Variants in QPCTL observed in about 807,000 individuals in gnomAD.
The protein encoded by QPCTL is glutaminyl-peptide cyclotransferase like.
QPCTL carries 31 observed loss-of-function variants against 34.6 expected under a neutral mutation model. The observed-to-expected ratio is 0.90, with a 90% CI of 0.67 to 1.21. QPCTL has a LOEUF of 1.21. Ranked by LOEUF, QPCTL falls within the 50% of genes most tolerant of loss-of-function variation. The pLI is 0.00. For synonymous variants in QPCTL, 223 were observed against 226.9 expected (o/e 0.98, Z 0.15); for missense variants, 474 against 507.8 (o/e 0.93, Z 0.64).
At chr19:45,695,105 G>A (rs1008186791) in intron 2 of QPCTL, among the ~76,000 whole-genome samples, 1 of 151,944 alleles carries the variant, frequency 6.6e-6, no homozygotes, top group African/African-American at 2.4e-5. Flanking sequence ...GGCCAACATT[G>A]TGAAACCCCA....
intron 3 of QPCTL, among the ~76,000 whole-genome samples, chr19:45,697,749 C>A (rs898782133): frequency 6.6e-6 from 1 of 152,210 alleles, no homozygotes; most frequent in African/African-American, 2.4e-5. Context: ...ATCCCCCAGC[C>A]TCCTTCCTAT....
At chr19:45,699,035 T>A in intron 5 of QPCTL, 135 bp downstream of exon 5, 1 of 545,302 alleles carries the variant, frequency 1.8e-6, no homozygotes, top group Non-Finnish European at 3.0e-6. Context: ...CCCCATCTTT[T>A]TTTTTTTTTT....
In QPCTL at chr19:45,700,264, G is replaced by A. The variant is rs554344174; in HGVS notation, c.886+1364G>A. On this transcript the variant is annotated intron_variant, in intron 5 of 6. Coordinates refer to ENST00000012049, the MANE Select transcript of QPCTL (RefSeq NM_017659.4). Reference sequence around the variant, plus strand: ...GTTTGAGACCAGCCTGGCGAATATGGTAAAACCCTATCTCTACTAAAAATA... The same window carrying A: ...GTTTGAGACCAGCCTGGCGAATATGATAAAACCCTATCTCTACTAAAAATA... Among the ~76,000 whole-genome samples, 17 of 152,032 alleles carry A rather than the reference G, an allele frequency of 1.1e-4. No homozygotes were observed. The South Asian group carries it at 3.3e-3, about 30-fold the overall frequency.
At position 45,698,261 on chromosome 19, in the gene QPCTL, A is replaced by C. The variant is rs1173015645; in HGVS notation, c.634-286A>C. On this transcript the variant is annotated intron_variant, in intron 3 of 6. Transcript: ENST00000012049. ...CAAGATTTATTCTAAAAAAAACAAA[A>C]AACAAAAAAAAAACAAAAAACCTCT... Among the ~76,000 whole-genome samples the C allele has an allele frequency of 2.6e-5, 4 of 151,720 alleles. No homozygotes were observed. In the East Asian group the frequency reaches 5.8e-4, roughly 22 times the overall value.
chr19:45,695,743 T>C (rs1039304037), intron 3 of QPCTL, 25 bp downstream of exon 3: 19 of 1,560,484 alleles, frequency 1.2e-5, no homozygotes, highest in Non-Finnish European at 1.6e-5. Flanking sequence ...TCGGGGAGGG[T>C]AGTGGGCTAC....
intron 3 of QPCTL, among the ~76,000 whole-genome samples, chr19:45,697,749 C>T (rs898782133): frequency 6.6e-6 from 1 of 152,210 alleles, no homozygotes; most frequent in Non-Finnish European, 1.5e-5. Flanking sequence ...ATCCCCCAGC[C>T]TCCTTCCTAT....
chr19:45,697,968 C>T (rs1160320231), intron 3 of QPCTL, among the ~76,000 whole-genome samples: 5 of 151,996 alleles, frequency 3.3e-5, no homozygotes, highest in Admixed American at 6.6e-5. Context: ...TATTGCCGGG[C>T]GCGGTGGCTC....
rs140632651 is a variant in QPCTL, at chr19:45,701,907, C to G, written c.996C>G (p.Leu332=). 1 of 1,610,338 alleles carries G rather than the reference C, an allele frequency of 6.2e-7. No individual in the cohort carries two copies. The highest frequency in any genetic ancestry group is 1.7e-5 in the Admixed American group (1 of 59,984). Residue 332 remains leucine, a synonymous_variant, in exon 6 of 7, where the codon CTC becomes CTG. Coordinates refer to ENST00000012049, the MANE Select transcript of QPCTL (RefSeq NM_017659.4). The part of the protein sequence containing the change: ...GSVEDDHIPF[L]RRGVPVLHLI... ...TGGAAGACGACCACATCCCCTTCCT[C>G]CGCAGAGGTACCAGCTGCAGGGAGG...
intron 6 of QPCTL, 128 bp downstream of exon 6, chr19:45,702,042 T>C: frequency 2.9e-6 from 2 of 686,088 alleles, no homozygotes; most frequent in Non-Finnish European, 5.0e-6. Context: ...TTTGATTTAT[T>C]CATCTGTAAA....
At chr19:45,699,065 G>T (rs1211522527) in intron 5 of QPCTL, among the ~76,000 whole-genome samples, 165 bp downstream of exon 5, 3 of 134,382 alleles carry the variant, frequency 2.2e-5, no homozygotes, top group Non-Finnish European at 4.6e-5. Flanking sequence ...ATGGAGTCTC[G>T]CTCTGTCACT....
intron 5 of QPCTL, among the ~76,000 whole-genome samples, chr19:45,701,369 A>C (rs928788467): frequency 1.3e-5 from 2 of 150,770 alleles, no homozygotes; most frequent in Admixed American, 1.3e-4. Context: ...TCCACCTCCC[A>C]GGTTCAAGCA....
chr19:45,699,395 G>A (rs965470490), intron 5 of QPCTL, among the ~76,000 whole-genome samples: 1 of 151,966 alleles, frequency 6.6e-6, no homozygotes, highest in African/African-American at 2.4e-5. Flanking sequence ...CAGCTACTGG[G>A]GAGTATCCTT....
intron 3 of QPCTL, 46 bp downstream of exon 3, chr19:45,695,764 T>C (rs1967679874): frequency 6.6e-7 from 1 of 1,513,870 alleles, no homozygotes; most frequent in Non-Finnish European, 8.8e-7. Flanking sequence ...CTCCACCTTT[T>C]CCCAAGCCCC....
Position 45,692,817 on chromosome 19 carries a change from G to A in QPCTL, c.114G>A (p.Leu38=). The change falls in exon 1 of 7, where the codon CTG becomes CTA. Residue 38 remains leucine (L), a synonymous_variant. Coordinates refer to ENST00000012049, the MANE Select transcript of QPCTL (RefSeq NM_017659.4). The stretch of plus-strand genomic sequence containing the variant: ...TACCGCGGGTTCGGCTCTTGCCTCT[G>A]TTGCTGGCGCTGGCCGTGGGCTCGG... ...RLLPRVRLLP[L]LLALAVGSAF... is the part of the protein sequence containing the mutation. 6.3e-7 allele frequency: 1 copy of A among 1,575,490 alleles called. No individual in the cohort carries two copies. Among genetic ancestry groups the A allele is most frequent in the Non-Finnish European group, 8.6e-7 (1 of 1,160,472 alleles).
Position 45,699,947 on chromosome 19 carries a change from A to AT in QPCTL, c.886+1047_886+1048insT, listed in dbSNP as rs1967778356. Among the ~76,000 whole-genome samples the AT allele has an allele frequency of 2.0e-5, 3 of 149,364 alleles. No homozygotes were observed. In the South Asian group the frequency reaches 6.4e-4, roughly 32 times the overall value. On this transcript the variant is annotated intron_variant, in intron 5 of 6. Transcript: ENST00000012049. Reference sequence around the variant, plus strand: ...ACTCCATCTCAAAAAAAAAAAAAAAAAAAATTAGCCAGGCATGGTGGCACC... The same window carrying AT: ...ACTCCATCTCAAAAAAAAAAAAAAAATAAAATTAGCCAGGCATGGTGGCACC...
intron 3 of QPCTL, among the ~76,000 whole-genome samples, chr19:45,696,834 C>A (rs917214255): frequency 6.6e-6 from 1 of 152,018 alleles, no homozygotes; most frequent in Non-Finnish European, 1.5e-5. Flanking sequence ...TTCAAAGAGG[C>A]CTTCCCGGCC....
intron 3 of QPCTL, among the ~76,000 whole-genome samples, chr19:45,697,159 GC>G (rs1967712948): frequency 6.7e-6 from 1 of 148,768 alleles, no homozygotes; most frequent in Non-Finnish European, 1.5e-5. Flanking sequence ...AGGTGCGGTG[GC>G]TCACACCTGT....
intron 3 of QPCTL, among the ~76,000 whole-genome samples, chr19:45,696,077 C>T (rs1474974148): frequency 6.6e-6 from 1 of 151,918 alleles, no homozygotes; most frequent in Non-Finnish European, 1.5e-5. Context: ...ATTCTCTTTC[C>T]TCTCCCCCAA....
chr19:45,702,061 A>T (rs1167266008), intron 6 of QPCTL, 147 bp downstream of exon 6: 2 of 627,990 alleles, frequency 3.2e-6, no homozygotes, highest in Non-Finnish European at 5.6e-6. Context: ...AAATGGGGAT[A>T]ATACTCCCTA....
Sources: allele counts gnomAD v4.1 joint callset (sites outside exome capture counted in the v4.1 genomes callset), GRCh38; gene constraint gnomAD v4.1.1; transcripts MANE v1.5; gene names NCBI Gene and HGNC (gene_info 2026-07-23, HGNC 2026-07-21).